Variants in RNF8 observed in about 807,000 individuals in gnomAD.
The protein encoded by RNF8 is E3 ubiquitin-protein ligase RNF8.
RNF8 carries 8 observed loss-of-function variants against 59.3 expected under a neutral mutation model. The ratio of observed to expected loss-of-function variants is 0.13; its 90% CI spans 0.08 to 0.24. The LOEUF is 0.24. Ranked by LOEUF, RNF8 falls within the 10% of genes least tolerant of loss-of-function variation. The pLI is 1.00. For synonymous variants in RNF8, 162 were observed against 200.0 expected (o/e 0.81, Z 1.60); for missense variants, 406 against 572.6 (o/e 0.71, Z 2.97).
In RNF8 at chr6:37,379,945, ACT is replaced by A. The variant is rs1770184195; in HGVS notation, c.1237-1202_1237-1201del. On this transcript the variant is annotated intron_variant, in intron 6 of 7. Coordinates refer to ENST00000373479, the MANE Select transcript of RNF8 (RefSeq NM_003958.4). Reference sequence around the variant, plus strand: ...GTTTGTTTTTTCCAGACAGTGTCTCACTCTGTCGCCCAGGCTGGAGTGCAGTA... The same window carrying A: ...GTTTGTTTTTTCCAGACAGTGTCTCACTGTCGCCCAGGCTGGAGTGCAGTA... 2.0e-5 allele frequency among the ~76,000 whole-genome samples: 3 copies of A among 151,948 alleles called. No individual in the cohort carries two copies. The South Asian group carries it at 6.3e-4, about 32-fold the overall frequency.
intron 2 of RNF8, among the ~76,000 whole-genome samples, chr6:37,364,460 T>C (rs962898073): frequency 6.6e-6 from 1 of 152,200 alleles, no homozygotes; most frequent in Non-Finnish European, 1.5e-5. Flanking sequence ...ATTTATGATT[T>C]GTGCACGTTT....
chr6:37,355,934 CT>C (rs1240999533), intron 1 of RNF8, among the ~76,000 whole-genome samples: 1 of 152,170 alleles, frequency 6.6e-6, no homozygotes, highest in African/African-American at 2.4e-5. Flanking sequence ...ACATACATTA[CT>C]TAATCTGATC....
At position 37,369,110 on chromosome 6, in the gene RNF8, G is replaced by C. The variant is rs781416765; in HGVS notation, c.867G>C (p.Glu289Asp). ...ACTCAAAGAAAGTTGTGCAAATGGA[G>C]CAGGAACTTCAGGACTTACAGTCCC... ...KGNSKKVVQM[E>D]QELQDLQSQL... Residue 289 changes from glutamate (E) to aspartate (D), a missense_variant, in exon 3 of 8, where the codon GAG becomes GAC. By Grantham distance (45) the Glu-to-Asp change is conservative. Coordinates refer to ENST00000373479, the MANE Select transcript of RNF8 (RefSeq NM_003958.4). The C allele has an allele frequency of 2.1e-5, 34 of 1,614,116 alleles. No homozygotes were observed. Among genetic ancestry groups the C allele is most frequent in the Non-Finnish European group, 2.7e-5 (32 of 1,180,050 alleles).
rs1769016885 is a variant in RNF8 at position 37,354,121 on chromosome 6, C to T, written c.-44C>T. On this transcript the variant is annotated 5_prime_UTR_variant, in exon 1 of 8. The change creates a premature stop within an existing upstream ORF in the 5' untranslated region. Coordinates refer to ENST00000373479, the MANE Select transcript of RNF8 (RefSeq NM_003958.4). Reference sequence around the variant, plus strand: ...GCACAGAGGCAGCCAGAACCTAGGTCAGGGTCTCGCTCGGTGCTGACCGCC... The same window carrying T: ...GCACAGAGGCAGCCAGAACCTAGGTTAGGGTCTCGCTCGGTGCTGACCGCC... 2.0e-6 allele frequency: 3 copies of T among 1,495,210 alleles called. No individual in the cohort carries two copies. Among genetic ancestry groups the T allele is most frequent in the Non-Finnish European group, 2.7e-6 (3 of 1,095,464 alleles). The allele number at this position is 1,495,210 out of a possible 1,614,324, so 92.6% of individuals were successfully genotyped here. A position where few individuals can be genotyped will look rare whatever the true frequency, so the allele number is the denominator to read the frequency against.
chr6:37,384,251 C>T (rs1184459357), intron 7 of RNF8, among the ~76,000 whole-genome samples: 2 of 151,700 alleles, frequency 1.3e-5, no homozygotes, highest in African/African-American at 4.9e-5. Flanking sequence ...AGTGATTCTC[C>T]TCCCTCAGCC....
At chr6:37,356,843 G>T (rs1437616522) in intron 1 of RNF8, among the ~76,000 whole-genome samples, 1 of 152,146 alleles carries the variant, frequency 6.6e-6, no homozygotes, top group African/African-American at 2.4e-5. Flanking sequence ...GGTTCAAGTG[G>T]TTCTTCTGTC....
At position 37,360,165 on chromosome 6, in the gene RNF8, A is replaced by G. The variant is rs1464521786; in HGVS notation, c.112-281A>G. On this transcript the variant is annotated intron_variant, in intron 1 of 7. Transcript: ENST00000373479. This position sits in a 1 kb window ranked among gnomAD's most constrained non-coding sequence, Gnocchi z 4.2. ...TGTGTAGAAAGAATTCCTCTATCTCATAGTCATTGAACCAGATGACCTTTC... is the reference window on the plus strand; with the variant it reads ...TGTGTAGAAAGAATTCCTCTATCTCGTAGTCATTGAACCAGATGACCTTTC... Among the ~76,000 whole-genome samples, 1 of 152,222 alleles carries G rather than the reference A, an allele frequency of 6.6e-6. No individual in the cohort carries two copies. The highest frequency in any genetic ancestry group is 1.5e-5 in the Non-Finnish European group (1 of 68,032).
In RNF8 at chr6:37,393,736, G is replaced by A. The variant is rs1770788216; in HGVS notation, c.*2978G>A. 1 of 152,206 alleles carries A rather than the reference G, an allele frequency of 6.6e-6. No individual in the cohort carries two copies. Among genetic ancestry groups the A allele is most frequent in the Admixed American group, 6.5e-5 (1 of 15,282 alleles). 9.4% of individuals were successfully genotyped at this position (152,206 alleles called of 1,614,324 possible). On this transcript the variant is annotated 3_prime_UTR_variant, in exon 8 of 8. Coordinates refer to ENST00000373479, the MANE Select transcript of RNF8 (RefSeq NM_003958.4). ...CAACAATCAGACTGTGCCAAAGCAG[G>A]GGACTTTGTCCTTTGTGGATTGCAT...
Position 37,369,003 on chromosome 6 carries a change from T to A in RNF8, c.760T>A (p.Ser254Thr). 1 of 1,614,194 alleles carries A rather than the reference T, an allele frequency of 6.2e-7. No individual in the cohort carries two copies. Among genetic ancestry groups the A allele is most frequent in the Non-Finnish European group, 8.5e-7 (1 of 1,180,022 alleles). Residue 254 changes from serine (S) to threonine (T), a missense_variant, in exon 3 of 8, where the codon TCC becomes ACC. Ser to Thr is a moderately conservative substitution (Grantham distance 58, BLOSUM62 1). Coordinates refer to ENST00000373479, the MANE Select transcript of RNF8 (RefSeq NM_003958.4). ...CTTACAGATGTTTAAGGTGACCATG[T>A]CCAGGATTCTGAGGCTCAAAATACA... ...RSLQMFKVTM[S>T]RILRLKIQMQ...
At chr6:37,383,136 A>G (rs1314181792) in intron 7 of RNF8, among the ~76,000 whole-genome samples, 1 of 152,218 alleles carries the variant, frequency 6.6e-6, no homozygotes, top group African/African-American at 2.4e-5. Flanking sequence ...CTAGGGGGCT[A>G]CACAGTAAAA....
At chr6:37,364,731 G>A (rs1321894179) in intron 2 of RNF8, among the ~76,000 whole-genome samples, 6 of 152,022 alleles carry the variant, frequency 3.9e-5, no homozygotes, top group South Asian at 2.1e-4. Context: ...TTATGTTCTC[G>A]CAGAAACTTG....
In RNF8 at chr6:37,368,901, A is replaced by G. The variant is rs2113821685; in HGVS notation, c.658A>G (p.Ile220Val). 6.2e-7 allele frequency: 1 copy of G among 1,614,184 alleles called. No homozygotes were observed. The highest frequency in any genetic ancestry group is 8.5e-7 in the Non-Finnish European group (1 of 1,180,032). Reference protein sequence around the residue: ...LEPSKTTGAPIYPGFPKVTEV... With the variant: ...LEPSKTTGAPVYPGFPKVTEV... ...GCCAAGTAAGACCACAGGGGCTCCCATTTACCCTGGCTTCCCCAAAGTCAC... is the reference window on the plus strand; with the variant it reads ...GCCAAGTAAGACCACAGGGGCTCCCGTTTACCCTGGCTTCCCCAAAGTCAC... Residue 220 changes from isoleucine (I) to valine (V), a missense_variant, in exon 3 of 8, where the codon ATT becomes GTT. Physicochemically the swap from Ile to Val is conservative, Grantham distance 29. This residue lies in a region of RNF8 where 285 missense variants were observed against 342.0 expected (regional missense o/e 0.83). Coordinates refer to ENST00000373479, the MANE Select transcript of RNF8 (RefSeq NM_003958.4).
chr6:37,368,676 G>A lies in RNF8; in HGVS notation c.433G>A (p.Glu145Lys). 1.1e-5 allele frequency: 17 copies of A among 1,613,228 alleles called. No individual in the cohort carries two copies. Among genetic ancestry groups the A allele is most frequent in the Non-Finnish European group, 1.4e-5 (17 of 1,179,764 alleles). The change falls in exon 3 of 8, where the codon GAA becomes AAA. Residue 145 changes from glutamate to lysine, a missense_variant. Around this residue, in one of 3 missense-constraint regions of RNF8, gnomAD observed 285 missense variants for 342.0 expected, o/e 0.83. Transcript: ENST00000373479. ...CLSPKNDQMI[E>K]KNKELRTKRK... ...TTCCCCAAAGAATGACCAAATGATA[G>A]AAAAAAATAAGGAATTGAGAACTAA... is the stretch of plus-strand genomic sequence containing the variant.
intron 2 of RNF8, 135 bp from the exon 3 acceptor site, chr6:37,368,349 T>C (rs764366760): frequency 5.6e-6 from 9 of 1,599,536 alleles, no homozygotes; most frequent in East Asian, 4.5e-5. Context: ...TGGTCGTTTA[T>C]GAATCTTTCT....
chr6:37,365,202 T>C (rs1029063181), intron 2 of RNF8, among the ~76,000 whole-genome samples: 1 of 152,102 alleles, frequency 6.6e-6, no homozygotes, highest in African/African-American at 2.4e-5. Context: ...AATGCAACAG[T>C]GTGGACGAAT....
intron 5 of RNF8, 69 bp from the exon 6 acceptor site, chr6:37,376,857 C>T: frequency 2.1e-6 from 2 of 930,536 alleles, no homozygotes; most frequent in Admixed American, 1.7e-5. Context: ...AATAATTGAC[C>T]CTGCTCCCTG....
chr6:37,360,312 A>G lies in RNF8; in HGVS notation c.112-134A>G, dbSNP rs2113814855. ...CAGCTGAAGAGGAGATAGCTGATGC[A>G]CTGTTTTGGTTCCACAGGTGTCTGG... is the stretch of plus-strand genomic sequence containing the variant. On this transcript the variant is annotated intron_variant, in intron 1 of 7. Coordinates refer to ENST00000373479, the MANE Select transcript of RNF8 (RefSeq NM_003958.4). The surrounding 1 kb of genome is among the most constrained non-coding windows in gnomAD (Gnocchi z 4.2). The G allele has an allele frequency of 9.8e-6, 9 of 916,616 alleles. No individual in the cohort carries two copies. Among genetic ancestry groups the G allele is most frequent in the African/African-American group, 1.7e-5 (1 of 60,076 alleles). The allele number at this position is 916,616 out of a possible 1,614,324, so 56.8% of individuals were successfully genotyped here.
At chr6:37,387,032 A>G (rs948302998) in intron 7 of RNF8, among the ~76,000 whole-genome samples, 13 of 152,246 alleles carry the variant, frequency 8.5e-5, no homozygotes, top group African/African-American at 3.1e-4. Flanking sequence ...TCATTAACCA[A>G]AGCAGCTTTT....
chr6:37,368,597 G>A lies in RNF8; in HGVS notation c.354G>A (p.Ala118=), dbSNP rs752261312. The change falls in exon 3 of 8, where the codon GCG becomes GCA. Residue 118 remains alanine, a synonymous_variant. Transcript: ENST00000373479. ...TGCCTCTGGAAAATAAGGAGAATGC[G>A]GAGTATGAATATGAAGTTACTGAAG... is the stretch of plus-strand genomic sequence containing the variant. ...LGVPLENKEN[A]EYEYEVTEED... 19 of 1,613,962 alleles carry A rather than the reference G, an allele frequency of 1.2e-5. No homozygotes were observed. Among genetic ancestry groups the A allele is most frequent in the East Asian group, 6.7e-5 (3 of 44,902 alleles).
Sources: gnomAD v4.1 joint callset for allele counts (sites outside exome capture counted in the v4.1 genomes callset) on GRCh38, gnomAD v4.1.1 for gene constraint, gnomAD v4.1.1 regional missense constraint, Gnocchi (gnomAD v3.1) non-coding constraint, MANE v1.5 for transcripts, NCBI Gene and HGNC (gene_info 2026-07-23, HGNC 2026-07-21) for gene names.